CFAP61: variants seen among roughly 807,000 people sequenced by gnomAD.
CFAP61 encodes cilia and flagella associated protein 61, also known as cilia- and flagella-associated protein 61.
Under a neutral mutation model 135.6 loss-of-function variants are expected in CFAP61, and 107 were observed. The ratio of observed to expected loss-of-function variants is 0.79; its 90% CI spans 0.67 to 0.93. The LOEUF (loss-of-function observed/expected upper bound fraction) is 0.93. CFAP61 is among the 40% of genes least tolerant of loss of function. The probability of loss-of-function intolerance (pLI) is 0.00; values close to 1 mark genes in which losing one functional copy is unlikely to be tolerated. For missense variants in CFAP61, 1,507 were observed against 1,556.2 expected (o/e 0.97, Z 0.53); for synonymous variants, 575 against 578.5 (o/e 0.99, Z 0.09).
At chr20:20,303,481 G>A (rs961129936) in intron 25 of CFAP61, among the ~76,000 whole-genome samples, 4 of 152,256 alleles carry the variant, frequency 2.6e-5, no homozygotes, top group South Asian at 2.1e-4. Context: ...TGAGAGCACC[G>A]CTGTGCCTTG....
chr20:20,251,468 T>C (rs2050897985), intron 19 of CFAP61, 127 bp from the exon 20 acceptor site: 2 of 785,576 alleles, frequency 2.5e-6, no homozygotes, highest in Non-Finnish European at 2.1e-6. Flanking sequence ...CTAGTATCAG[T>C]CCTGGTAAAC....
chr20:20,186,313 T>C (rs4814956), intron 13 of CFAP61, among the ~76,000 whole-genome samples: 137,570 of 152,290 alleles, frequency 0.9, 62,964 homozygotes, highest in Middle Eastern at 0.99. Flanking sequence ...CTTCGCACAA[T>C]GTTTTTAAAG....
intron 17 of CFAP61, among the ~76,000 whole-genome samples, chr20:20,208,045 C>T (rs528790460): frequency 1.2e-4 from 18 of 152,314 alleles, no homozygotes; most frequent in South Asian, 2.1e-4. Flanking sequence ...TCCTCCTGCC[C>T]GGCCCTGCAT....
At chr20:20,158,040 A>T (rs1017005003) in intron 9 of CFAP61, among the ~76,000 whole-genome samples, 9 of 150,414 alleles carry the variant, frequency 6.0e-5, no homozygotes, top group African/African-American at 1.9e-4. Context: ...GAATTGAACA[A>T]TGAGATCACA....
At chr20:20,332,518 A>G (rs868299832) in intron 25 of CFAP61, among the ~76,000 whole-genome samples, 1 of 152,080 alleles carries the variant, frequency 6.6e-6, no homozygotes, top group African/African-American at 2.4e-5. Context: ...CAAAGAAATA[A>G]CTCCATTTGG....
At chr20:20,107,588 A>T (rs1283199589) in intron 8 of CFAP61, 1 of 152,150 alleles carries the variant, frequency 6.6e-6, no homozygotes, top group Non-Finnish European at 1.5e-5. Context: ...ATATGTGTGT[A>T]TATATGTATC....
At chr20:20,335,670 C>G (rs1264108091) in intron 25 of CFAP61, among the ~76,000 whole-genome samples, 1 of 152,184 alleles carries the variant, frequency 6.6e-6, no homozygotes, top group Admixed American at 6.5e-5. Flanking sequence ...ATGGAACCAC[C>G]CTGGCAGCCC....
intron 17 of CFAP61, among the ~76,000 whole-genome samples, chr20:20,201,903 TC>T (rs2056639924): frequency 1.3e-5 from 2 of 151,628 alleles, no homozygotes; most frequent in Non-Finnish European, 2.9e-5. Context: ...GAGGGAGGAG[TC>T]CAGAGCTGCT....
chr20:20,202,578 A>G (rs2056675907), intron 17 of CFAP61, among the ~76,000 whole-genome samples: 1 of 152,202 alleles, frequency 6.6e-6, no homozygotes, highest in Non-Finnish European at 1.5e-5. Flanking sequence ...AATGTTTTAG[A>G]GTGATTATCT....
intron 8 of CFAP61, among the ~76,000 whole-genome samples, chr20:20,106,477 G>A (rs1006365482): frequency 4.6e-5 from 7 of 152,174 alleles, no homozygotes; most frequent in African/African-American, 1.7e-4. Flanking sequence ...CCCTGGGAGC[G>A]ACCTGTGATA....
At chr20:20,357,082 G>A (rs1282477723) in intron 26 of CFAP61, among the ~76,000 whole-genome samples, 2 of 111,180 alleles carry the variant, frequency 1.8e-5, no homozygotes, top group Non-Finnish European at 4.1e-5. Context: ...ACTGAGAGGA[G>A]GTGGTCACAC....
chr20:20,054,465 T>C (rs2044123055), intron 1 of CFAP61, among the ~76,000 whole-genome samples: 1 of 152,142 alleles, frequency 6.6e-6, no homozygotes, highest in Non-Finnish European at 1.5e-5. Flanking sequence ...CATTAAACTT[T>C]ATATGTAGTT....
intron 8 of CFAP61, among the ~76,000 whole-genome samples, chr20:20,119,868 C>A (rs745626574): frequency 2.6e-5 from 4 of 152,128 alleles, no homozygotes; most frequent in Non-Finnish European, 5.9e-5. Context: ...ATTTAGCTCC[C>A]ACTTATGAGT....
intron 10 of CFAP61, among the ~76,000 whole-genome samples, chr20:20,160,137 T>G (rs1299474704): frequency 6.6e-6 from 1 of 152,232 alleles, no homozygotes; most frequent in Non-Finnish European, 1.5e-5. Context: ...GAGGGTGTTG[T>G]AGGCTTTTGA....
At chr20:20,182,792 T>C (rs1322100374) in intron 13 of CFAP61, among the ~76,000 whole-genome samples, 1 of 152,226 alleles carries the variant, frequency 6.6e-6, no homozygotes, top group Admixed American at 6.5e-5. Flanking sequence ...TTTTTGTTTG[T>C]TTGTTTGTTT....
intron 8 of CFAP61, among the ~76,000 whole-genome samples, chr20:20,106,907 T>C (rs975985688): frequency 2.0e-5 from 3 of 152,222 alleles, no homozygotes; most frequent in African/African-American, 7.2e-5. Flanking sequence ...TGTTGCAGGA[T>C]AATTATAGTA....
chr20:20,284,903 C>T (rs2054467862), intron 22 of CFAP61, among the ~76,000 whole-genome samples: 1 of 152,190 alleles, frequency 6.6e-6, no homozygotes, highest in African/African-American at 2.4e-5. Context: ...TTTTCTTGTT[C>T]TATCTTCCTT....
At chr20:20,288,585 T>C (rs2054764205) in intron 22 of CFAP61, 24 bp from the exon 23 acceptor site, 1 of 1,573,160 alleles carries the variant, frequency 6.4e-7, no homozygotes, top group Non-Finnish European at 8.7e-7. Flanking sequence ...TAACTGAATA[T>C]TGCTGTAATT....
chr20:20,217,572 T>C (rs1479775461), intron 17 of CFAP61, among the ~76,000 whole-genome samples: 1 of 152,232 alleles, frequency 6.6e-6, no homozygotes, highest in Non-Finnish European at 1.5e-5. Context: ...ATGAGTTTTC[T>C]GCCACTGCTA....
Sources: gnomAD v4.1 joint callset for allele counts (sites outside exome capture counted in the v4.1 genomes callset) on GRCh38, gnomAD v4.1.1 for gene constraint, MANE v1.5 for transcripts, NCBI Gene and HGNC (gene_info 2026-07-23, HGNC 2026-07-21) for gene names.